Variants in IFT122 observed in about 807,000 individuals in gnomAD.
The protein encoded by IFT122 is intraflagellar transport protein 122 homolog.
A neutral mutation model predicts 161.6 loss-of-function variants in IFT122; 118 were observed. The ratio of observed to expected loss-of-function variants is 0.73; its 90% CI spans 0.63 to 0.85. The LOEUF (loss-of-function observed/expected upper bound fraction) is 0.85. IFT122 is among the 40% of genes least tolerant of loss of function. The probability of loss-of-function intolerance (pLI) is 0.00; values close to 1 mark genes in which losing one functional copy is unlikely to be tolerated. For missense variants in IFT122, 1,381 were observed against 1,579.6 expected (o/e 0.87, Z 2.13); for synonymous variants, 550 against 602.4 (o/e 0.91, Z 1.27).
At chr3:129,445,160 T>C (rs1258340558) in intron 1 of IFT122, among the ~76,000 whole-genome samples, 3 of 152,028 alleles carry the variant, frequency 2.0e-5, no homozygotes, top group Admixed American at 2.0e-4. Context: ...ACCCTGTCTT[T>C]ACCAAAAATA....
At chr3:129,472,120 AT>A (rs2077425004) in intron 9 of IFT122, among the ~76,000 whole-genome samples, 1 of 152,190 alleles carries the variant, frequency 6.6e-6, no homozygotes, top group Non-Finnish European at 1.5e-5. Context: ...TGCAATGACC[AT>A]TCAAAAGTTG....
At position 129,449,921 on chromosome 3, in the gene IFT122, C is replaced by T. The variant is rs776466910; in HGVS notation, c.92C>T (p.Ala31Val). 6.2e-7 allele frequency: 1 copy of T among 1,611,382 alleles called. No individual in the cohort carries two copies. Among genetic ancestry groups the T allele is most frequent in the South Asian group, 1.1e-5 (1 of 91,028 alleles). ...GATGGAACTCAACTGATTTTGGCTGCCGGAAGCAGATTACTGGTAGGATTT... is the reference window on the plus strand; with the variant it reads ...GATGGAACTCAACTGATTTTGGCTGTCGGAAGCAGATTACTGGTAGGATTT... ...KPDGTQLILAAGSRLLVYDTS... is the reference protein window; with the variant it reads ...KPDGTQLILAVGSRLLVYDTS... The change falls in exon 2 of 30, where the codon GCC becomes GTC. Residue 31 changes from alanine (A) to valine (V), a missense_variant. Ala to Val is a moderately conservative substitution (Grantham distance 64, BLOSUM62 0). Coordinates refer to ENST00000348417, the MANE Select transcript of IFT122 (RefSeq NM_052989.3).
chr3:129,468,907 A>G (rs1027140906), intron 8 of IFT122, among the ~76,000 whole-genome samples: 1 of 152,362 alleles, frequency 6.6e-6, no homozygotes, highest in Non-Finnish European at 1.5e-5. Context: ...AGGAAGAGCA[A>G]GCAAGTTTCC....
intron 7 of IFT122, among the ~76,000 whole-genome samples, chr3:129,466,283 T>G (rs1577432794): frequency 6.6e-6 from 1 of 151,564 alleles, no homozygotes; most frequent in African/African-American, 2.4e-5. Flanking sequence ...TCCTGAATAA[T>G]TTTTTTTGGC....
chr3:129,519,254 C>T (rs1022828327), intron 28 of IFT122, 68 bp downstream of exon 28: 36 of 1,390,668 alleles, frequency 2.6e-5, no homozygotes, highest in Non-Finnish European at 2.8e-5. Flanking sequence ...CACATGGGGA[C>T]CCTCAGCTAG....
At chr3:129,455,828 T>G (rs1327184349) in intron 3 of IFT122, among the ~76,000 whole-genome samples, 2 of 152,148 alleles carry the variant, frequency 1.3e-5, no homozygotes, top group Non-Finnish European at 2.9e-5. Flanking sequence ...AAAAATATAT[T>G]TACTCTTCAT....
chr3:129,503,635 C>T (rs1231519522), intron 20 of IFT122, among the ~76,000 whole-genome samples: 1 of 152,094 alleles, frequency 6.6e-6, no homozygotes. Flanking sequence ...CTGAGAGGAG[C>T]CGTCTGACTG....
intron 4 of IFT122, chr3:129,460,834 A>G: frequency 6.2e-7 from 1 of 1,600,432 alleles, no homozygotes; most frequent in Non-Finnish European, 8.6e-7. Flanking sequence ...TTGTTGTCTA[A>G]GGATTTGTCA....
At position 129,466,984 on chromosome 3, in the gene IFT122, T is replaced by A; in HGVS notation, c.658T>A (p.Ser220Thr). The change falls in exon 8 of 30, where the codon TCA becomes ACA. Residue 220 changes from serine to threonine, a missense_variant. Coordinates refer to ENST00000348417, the MANE Select transcript of IFT122 (RefSeq NM_052989.3). Reference sequence around the variant, plus strand: ...TCAGGAAATCCCTTCCACTCTGAAGTCAGCAGTGTACAGTAGTCAGGGTAG... The same window carrying A: ...TCAGGAAATCCCTTCCACTCTGAAGACAGCAGTGTACAGTAGTCAGGGTAG... ...YIQEIPSTLK[S>T]AVYSSQGSEA... The A allele has an allele frequency of 1.2e-6, 2 of 1,614,194 alleles. No individual in the cohort carries two copies. Among genetic ancestry groups the A allele is most frequent in the Non-Finnish European group, 1.7e-6 (2 of 1,180,008 alleles).
intron 25 of IFT122, 145 bp downstream of exon 25, chr3:129,514,699 C>A: frequency 2.1e-6 from 2 of 935,678 alleles, no homozygotes; most frequent in Non-Finnish European, 3.4e-6. Flanking sequence ...CCTGGCCATG[C>A]CAGCTCCCCT....
intron 1 of IFT122, 52 bp from the exon 2 acceptor site, chr3:129,449,819 A>C (rs577797227): frequency 1.6e-6 from 2 of 1,226,460 alleles, no homozygotes; most frequent in Middle Eastern, 1.9e-4. Flanking sequence ...GGCCATTAGC[A>C]GACTTCATCA....
intron 6 of IFT122, among the ~76,000 whole-genome samples, chr3:129,464,050 T>TC (rs1425361666): frequency 6.6e-6 from 1 of 152,208 alleles, no homozygotes; most frequent in East Asian, 1.9e-4. Context: ...AGCTTTACGT[T>TC]CCTCATCTGA....
intron 3 of IFT122, chr3:129,456,224 C>A: frequency 7.8e-7 from 1 of 1,285,974 alleles, no homozygotes; most frequent in Non-Finnish European, 1.0e-6. Flanking sequence ...TCATCACCAT[C>A]ACCTGCTACC....
intron 15 of IFT122, among the ~76,000 whole-genome samples, chr3:129,486,279 C>T (rs2108379769): frequency 6.6e-6 from 1 of 152,312 alleles, no homozygotes; most frequent in South Asian, 2.1e-4. Flanking sequence ...GGAGCACCAG[C>T]TTTCAGTCCT....
At chr3:129,449,486 T>C (rs912013873) in intron 1 of IFT122, among the ~76,000 whole-genome samples, 37 of 152,260 alleles carry the variant, frequency 2.4e-4, no homozygotes, top group African/African-American at 8.9e-4. Context: ...TTCATATCTG[T>C]TGGTGCCTGG....
At position 129,479,770 on chromosome 3, in the gene IFT122, G is replaced by A; in HGVS notation, c.1351-15G>A. On this transcript the variant is annotated splice_polypyrimidine_tract_variant and intron_variant, in intron 12 of 29. Coordinates refer to ENST00000348417, the MANE Select transcript of IFT122 (RefSeq NM_052989.3). ...TTCTGTTGAATTTCCATGCAGAGCTGGGTTTGCTTCCTAGGAGAAACGGCT... is the reference window on the plus strand; with the variant it reads ...TTCTGTTGAATTTCCATGCAGAGCTAGGTTTGCTTCCTAGGAGAAACGGCT... The A allele has an allele frequency of 6.2e-7, 1 of 1,613,908 alleles. No individual in the cohort carries two copies. Among genetic ancestry groups the A allele is most frequent in the Non-Finnish European group, 8.5e-7 (1 of 1,180,028 alleles).
In IFT122 at chr3:129,469,417, G is replaced by GGTAT. The variant is rs1460161773; in HGVS notation, c.816+4_816+7dup. ...CCTTCTACCAGCTGAGTGGAAAACA[G>GGTAT]GTATGTAGCCCTGTACAAATCCAAT... is the stretch of plus-strand genomic sequence containing the variant. On this transcript the variant is annotated frameshift_variant and splice_region_variant. Transcript: ENST00000348417. LOFTEE classifies it high-confidence loss of function. 3 of 1,612,060 alleles carry GGTAT rather than the reference G, an allele frequency of 1.9e-6. No individual in the cohort carries two copies. Among genetic ancestry groups the GGTAT allele is most frequent in the Non-Finnish European group, 2.5e-6 (3 of 1,178,276 alleles).
chr3:129,455,215 C>T (rs773433523), intron 3 of IFT122, among the ~76,000 whole-genome samples: 2 of 151,876 alleles, frequency 1.3e-5, no homozygotes, highest in Admixed American at 6.6e-5. Flanking sequence ...CTCTGTCGCC[C>T]AGGCTGGAGT....
intron 1 of IFT122, among the ~76,000 whole-genome samples, chr3:129,444,554 G>C (rs971819751): frequency 6.6e-6 from 1 of 151,156 alleles, no homozygotes; most frequent in Non-Finnish European, 1.5e-5. Context: ...ACAGAGTCTC[G>C]CTCTGTTGCC....
Sources: allele counts gnomAD v4.1 joint callset (sites outside exome capture counted in the v4.1 genomes callset), GRCh38; gene constraint gnomAD v4.1.1; transcripts MANE v1.5; gene names NCBI Gene and HGNC (gene_info 2026-07-23, HGNC 2026-07-21).